MNAT1: variants seen among roughly 807,000 people sequenced by gnomAD.
The protein encoded by MNAT1 is CDK-activating kinase assembly factor MAT1.
Under a neutral mutation model 42.0 loss-of-function variants are expected in MNAT1, and 43 were observed. The observed-to-expected ratio is 1.02, with a 90% CI of 0.80 to 1.32. The LOEUF (loss-of-function observed/expected upper bound fraction) is 1.32, where lower values mean the gene tolerates loss of function less well. Ranked by LOEUF, MNAT1 falls within the 40% of genes most tolerant of loss-of-function variation. MNAT1 has a pLI of 0.00. For missense variants in MNAT1, 306 were observed against 350.4 expected (o/e 0.87, Z 1.01); for synonymous variants, 118 against 120.0 (o/e 0.98, Z 0.11).
chr14:60,953,780 C>T (rs540237788), intron 7 of MNAT1, among the ~76,000 whole-genome samples: 51 of 152,236 alleles, frequency 3.4e-4, no homozygotes, highest in Non-Finnish European at 5.4e-4. Flanking sequence ...CACACCCTTG[C>T]GAACCCTTGT....
chr14:60,817,658 T>C (rs973633795), intron 5 of MNAT1, among the ~76,000 whole-genome samples: 6 of 152,054 alleles, frequency 3.9e-5, no homozygotes, highest in African/African-American at 1.4e-4. Context: ...ATTATTAAGT[T>C]GCTAGATTTG....
rs138763047 is a variant in MNAT1 at position 60,894,187 on chromosome 14, A to G, written c.809+14352A>G. Among the ~76,000 whole-genome samples the G allele has an allele frequency of 1.1e-3, 166 of 151,730 alleles. No homozygotes were observed. In the Middle Eastern group the frequency reaches 0.014, roughly 13 times the overall value. ...TGGTTGGTTTCTCTTTCCTGTTTCA[A>G]TGTAGGACTAGGAATGCGGGCAGTA... is the stretch of plus-strand genomic sequence containing the variant. On this transcript the variant is annotated intron_variant, in intron 7 of 7. Coordinates refer to ENST00000261245, the MANE Select transcript of MNAT1 (RefSeq NM_002431.4).
chr14:60,808,671 T>C (rs1010846325), intron 4 of MNAT1: 1 of 230,926 alleles, frequency 4.3e-6, no homozygotes, highest in African/African-American at 2.3e-5. Context: ...ATCCGTAAGA[T>C]AGGTGATTGT....
At chr14:60,907,570 C>T (rs752573932) in intron 7 of MNAT1, among the ~76,000 whole-genome samples, 12 of 151,502 alleles carry the variant, frequency 7.9e-5, no homozygotes, top group Non-Finnish European at 1.2e-4. Context: ...CACCTGAGGT[C>T]GGGAGTTCAA....
chr14:60,828,897 G>A (rs1594783833), intron 6 of MNAT1, among the ~76,000 whole-genome samples: 2 of 152,106 alleles, frequency 1.3e-5, no homozygotes, highest in African/African-American at 2.4e-5. Flanking sequence ...TGGAAAAGAT[G>A]CATAGGGCAA....
chr14:60,855,429 C>T (rs1566796263), intron 6 of MNAT1, among the ~76,000 whole-genome samples: 1 of 152,136 alleles, frequency 6.6e-6, no homozygotes, highest in Non-Finnish European at 1.5e-5. Context: ...GTGTCTGAAA[C>T]CCAGGGCCCT....
At chr14:60,962,765 CA>C (rs2036618469) in intron 7 of MNAT1, among the ~76,000 whole-genome samples, 1 of 152,064 alleles carries the variant, frequency 6.6e-6, no homozygotes, top group Admixed American at 6.5e-5. Flanking sequence ...TTTTAATTTC[CA>C]AATATGAGTT....
At chr14:60,802,509 A>G (rs971141161) in intron 3 of MNAT1, among the ~76,000 whole-genome samples, 10 of 152,200 alleles carry the variant, frequency 6.6e-5, no homozygotes, top group African/African-American at 2.2e-4. Flanking sequence ...CTGTCAGTTA[A>G]GATTTTATCT....
At chr14:60,795,141 T>G (rs1259758035) in intron 1 of MNAT1, among the ~76,000 whole-genome samples, 1 of 152,160 alleles carries the variant, frequency 6.6e-6, no homozygotes, top group African/African-American at 2.4e-5. Flanking sequence ...GTTTAAATAT[T>G]TATCAAAACA....
chr14:60,882,252 C>T (rs990746338), intron 7 of MNAT1, among the ~76,000 whole-genome samples: 2 of 152,020 alleles, frequency 1.3e-5, no homozygotes, highest in African/African-American at 4.8e-5. Context: ...CCTCACTACC[C>T]TTCACAACCT....
intron 6 of MNAT1, among the ~76,000 whole-genome samples, chr14:60,851,920 A>G (rs767838488): frequency 3.9e-5 from 6 of 152,086 alleles, no homozygotes; most frequent in Admixed American, 6.5e-5. Context: ...CATGGTGTAT[A>G]TGTGCCACAT....
Position 60,937,238 on chromosome 14 carries a change from C to T in MNAT1, c.810-30991C>T, listed in dbSNP as rs1027667699. Among the ~76,000 whole-genome samples the T allele has an allele frequency of 1.9e-3, 282 of 152,208 alleles. 1 individual carries two copies. The highest frequency in any genetic ancestry group is 6.3e-3 in the African/African-American group (263 of 41,522). ...AGAAGCTCTTTAGTTTAATTAGATC[C>T]TGTTTGTCAATTTTGGCTTTTGTTG... On this transcript the variant is annotated intron_variant, in intron 7 of 7. Transcript: ENST00000261245.
intron 7 of MNAT1, among the ~76,000 whole-genome samples, chr14:60,934,923 G>T (rs1430514829): frequency 2.0e-5 from 3 of 152,202 alleles, no homozygotes; most frequent in African/African-American, 7.2e-5. Flanking sequence ...AACAAAGTGT[G>T]TAAACAAATA....
intron 7 of MNAT1, among the ~76,000 whole-genome samples, chr14:60,889,376 G>T (rs921129255): frequency 2.0e-5 from 3 of 152,066 alleles, no homozygotes; most frequent in African/African-American, 7.3e-5. Flanking sequence ...AATAAATGGT[G>T]CTGGGAAAAC....
chr14:60,926,100 G>C (rs991414300), intron 7 of MNAT1, among the ~76,000 whole-genome samples: 13 of 152,072 alleles, frequency 8.5e-5, no homozygotes, highest in Admixed American at 8.5e-4. Context: ...GTAGTTAAAA[G>C]GTCTTCTCCA....
Position 60,740,238 on chromosome 14 carries a change from A to C in MNAT1, c.89+5287A>C, listed in dbSNP as rs1351177376. Among the ~76,000 whole-genome samples the C allele has an allele frequency of 6.6e-6, 1 of 152,222 alleles. No homozygotes were observed. Among genetic ancestry groups the C allele is most frequent in the Non-Finnish European group, 1.5e-5 (1 of 68,036 alleles). ...ATGTGCTAAATCTACTTTTTTCATC[A>C]CGCACGAGACGCAAAGTACAAGATA... On this transcript the variant is annotated intron_variant, in intron 1 of 7. Transcript: ENST00000261245. This position sits in a 1 kb window ranked among gnomAD's most constrained non-coding sequence, Gnocchi z 4.1.
intron 1 of MNAT1, among the ~76,000 whole-genome samples, chr14:60,737,014 C>A (rs1428923317): frequency 6.6e-6 from 1 of 152,052 alleles, no homozygotes; most frequent in Admixed American, 6.5e-5. Flanking sequence ...TGTGAAAATA[C>A]AGCTTTAATT....
At chr14:60,767,937 T>G (rs571687367) in intron 1 of MNAT1, among the ~76,000 whole-genome samples, 126 of 152,304 alleles carry the variant, frequency 8.3e-4, no homozygotes, top group African/African-American at 2.8e-3. Flanking sequence ...CTAATTTTTT[T>G]TGTGTTTTAG....
intron 1 of MNAT1, among the ~76,000 whole-genome samples, chr14:60,748,417 G>T (rs1224658295): frequency 6.6e-6 from 1 of 152,088 alleles, no homozygotes; most frequent in Non-Finnish European, 1.5e-5. Flanking sequence ...TTTTAGTAGG[G>T]ATGAGGTATC....
Sources: allele counts gnomAD v4.1 joint callset (sites outside exome capture counted in the v4.1 genomes callset), GRCh38; gene constraint gnomAD v4.1.1; non-coding constraint Gnocchi (gnomAD v3.1); transcripts MANE v1.5; gene names NCBI Gene and HGNC (gene_info 2026-07-23, HGNC 2026-07-21).